Variants in MAP3K13 observed in about 807,000 individuals in gnomAD.
MAP3K13 encodes the protein leucine zipper-bearing kinase.
Under a neutral mutation model 104.0 loss-of-function variants are expected in MAP3K13, and 52 were observed. That is an observed-to-expected ratio of 0.50 (90% confidence interval 0.40 to 0.63). The LOEUF (loss-of-function observed/expected upper bound fraction) is 0.63, where lower values mean the gene tolerates loss of function less well. Ranked by LOEUF, MAP3K13 falls within the 20% of genes least tolerant of loss-of-function variation. The pLI is 0.00. For missense variants in MAP3K13, 914 were observed against 1,218.5 expected (o/e 0.75, Z 3.72); for synonymous variants, 394 against 442.2 (o/e 0.89, Z 1.37).
chr3:185,432,063 G>GT (rs1714771594), intron 2 of MAP3K13, among the ~76,000 whole-genome samples: 1 of 150,622 alleles, frequency 6.6e-6, no homozygotes, highest in Admixed American at 6.6e-5. Flanking sequence ...GAAATTAGTT[G>GT]TTTTTTGCTA....
intron 1 of MAP3K13, among the ~76,000 whole-genome samples, chr3:185,400,684 A>G (rs1282541220): frequency 6.6e-6 from 1 of 152,236 alleles, no homozygotes; most frequent in Non-Finnish European, 1.5e-5. Flanking sequence ...GAATATTTTC[A>G]AAGACACGAA....
At chr3:185,321,271 G>A (rs573546709) in intron 2 of MAP3K13, among the ~76,000 whole-genome samples, 1 of 152,200 alleles carries the variant, frequency 6.6e-6, no homozygotes, top group South Asian at 2.1e-4. Context: ...ACACAGATAT[G>A]CACATACCAT....
intron 1 of MAP3K13, among the ~76,000 whole-genome samples, chr3:185,284,792 A>G (rs1011488691): frequency 2.6e-5 from 4 of 152,008 alleles, no homozygotes; most frequent in African/African-American, 9.7e-5. Flanking sequence ...AATGTGATAA[A>G]AAGTGGGCAG....
At chr3:185,422,688 A>T (rs1444152012) in intron 1 of MAP3K13, among the ~76,000 whole-genome samples, 3 of 152,248 alleles carry the variant, frequency 2.0e-5, no homozygotes, top group African/African-American at 7.2e-5. Context: ...TCACACAAGT[A>T]AGTGTTTGGC....
chr3:185,432,294 G>A (rs552789132), intron 2 of MAP3K13, among the ~76,000 whole-genome samples: 252 of 147,652 alleles, frequency 1.7e-3, no homozygotes, highest in African/African-American at 6.0e-3. Context: ...GGGTTCGAGC[G>A]ATTCTCCTGC....
intron 2 of MAP3K13, among the ~76,000 whole-genome samples, chr3:185,429,915 T>C (rs935723365): frequency 6.6e-6 from 1 of 152,008 alleles, no homozygotes; most frequent in Non-Finnish European, 1.5e-5. Context: ...AAAAAGGAAG[T>C]TTTGTTGGGC....
intron 1 of MAP3K13, among the ~76,000 whole-genome samples, chr3:185,373,373 GGCTCAC>G (rs1291581647): frequency 2.0e-5 from 3 of 152,152 alleles, no homozygotes; most frequent in Non-Finnish European, 2.9e-5. Flanking sequence ...TTTTTCAGCT[GGCTCAC>G]GCTTGTAATT....
intron 1 of MAP3K13, among the ~76,000 whole-genome samples, chr3:185,382,268 G>T (rs1724762119): frequency 6.6e-6 from 1 of 152,170 alleles, no homozygotes; most frequent in Non-Finnish European, 1.5e-5. Context: ...AAAACTTTGT[G>T]AATGTGATCT....
In MAP3K13 at chr3:185,437,637, C is replaced by A. The variant is rs762902034; in HGVS notation, c.659+7C>A. 6 of 1,437,054 alleles carry A rather than the reference C, an allele frequency of 4.2e-6. No homozygotes were observed. The highest frequency in any genetic ancestry group is 1.3e-5 in the South Asian group (1 of 79,162). 89.0% of individuals were successfully genotyped at this position (1,437,054 alleles called of 1,614,324 possible). ...CTAACATCATCGCATTCAAGTAGGT[C>A]AAGGCTTTTTTTTTTTAAGAAGTAG... On this transcript the variant is annotated splice_region_variant and intron_variant, in intron 3 of 13. Transcript: ENST00000265026.
intron 2 of MAP3K13, among the ~76,000 whole-genome samples, chr3:185,331,143 G>GAGT (rs1225624778): frequency 3.4e-5 from 5 of 146,138 alleles, no homozygotes; most frequent in African/African-American, 1.0e-4. Flanking sequence ...GCCCAGGCTG[G>GAGT]AGTGCAATGG....
At chr3:185,310,230 T>G (rs1461144591) in intron 2 of MAP3K13, among the ~76,000 whole-genome samples, 3 of 152,182 alleles carry the variant, frequency 2.0e-5, no homozygotes, top group Admixed American at 2.0e-4. Context: ...CTGACTAGAT[T>G]CTCTCTCTTT....
intron 2 of MAP3K13, among the ~76,000 whole-genome samples, chr3:185,342,804 G>T (rs1365987927): frequency 6.6e-6 from 1 of 152,070 alleles, no homozygotes; most frequent in Non-Finnish European, 1.5e-5. Flanking sequence ...ATACACATTT[G>T]TCACCTCAGT....
chr3:185,424,035 C>T (rs1714280506), intron 1 of MAP3K13, among the ~76,000 whole-genome samples: 2 of 152,162 alleles, frequency 1.3e-5, no homozygotes, highest in Non-Finnish European at 2.9e-5. Flanking sequence ...GGGATGATGG[C>T]AGGAGGTTAT....
chr3:185,283,303 T>A (rs759725543), intron 1 of MAP3K13, among the ~76,000 whole-genome samples: 2 of 152,072 alleles, frequency 1.3e-5, no homozygotes, highest in Non-Finnish European at 2.9e-5. Flanking sequence ...GGGTTTCCGA[T>A]CACTGGCGCT....
intron 1 of MAP3K13, among the ~76,000 whole-genome samples, chr3:185,420,955 A>T (rs1369536654): frequency 1.3e-5 from 2 of 151,986 alleles, no homozygotes; most frequent in African/African-American, 2.4e-5. Flanking sequence ...GCTGTCTCCA[A>T]CTCTTGCCTA....
intron 2 of MAP3K13, among the ~76,000 whole-genome samples, chr3:185,316,200 A>T (rs1721667568): frequency 6.6e-6 from 1 of 152,214 alleles, no homozygotes. Context: ...ACCTCCTGGG[A>T]TGCCAACATT....
chr3:185,441,579 T>C (rs1433996086), intron 3 of MAP3K13, among the ~76,000 whole-genome samples: 2 of 152,154 alleles, frequency 1.3e-5, no homozygotes, highest in Non-Finnish European at 2.9e-5. Flanking sequence ...GATGTAGGAA[T>C]TGATGCAAAT....
At chr3:185,455,705 G>GATATATATGAGATATATATGAT (rs1560120460) in intron 7 of MAP3K13, among the ~76,000 whole-genome samples, 1 of 10,588 alleles carries the variant, frequency 9.4e-5, no homozygotes, top group African/African-American at 2.0e-4. Flanking sequence ...ATATATATGA[G>GATATATATGAGATATATATGAT]ATATATATGA....
At chr3:185,332,794 A>G (rs1347286818) in intron 2 of MAP3K13, among the ~76,000 whole-genome samples, 5 of 152,182 alleles carry the variant, frequency 3.3e-5, no homozygotes, top group East Asian at 1.9e-4. Context: ...TCATTCATCA[A>G]TAGATATTTG....
Sources: allele counts gnomAD v4.1 joint callset (sites outside exome capture counted in the v4.1 genomes callset), GRCh38; gene constraint gnomAD v4.1.1; transcripts MANE v1.5; gene names NCBI Gene and HGNC (gene_info 2026-07-23, HGNC 2026-07-21).